Variants in ITGA11 observed in about 807,000 individuals in gnomAD.
ITGA11 encodes integrin alpha-11.
In ITGA11, 97 loss-of-function variants were observed where a neutral mutation model predicts 141.9. The ratio of observed to expected loss-of-function variants is 0.68; its 90% CI spans 0.58 to 0.81. The LOEUF (loss-of-function observed/expected upper bound fraction) is 0.81, where lower values mean the gene tolerates loss of function less well. Among genes scored for constraint, ITGA11 ranks in the 30% least tolerant of loss-of-function variants. ITGA11 has a pLI of 0.00. For synonymous variants in ITGA11, 658 were observed against 624.6 expected (o/e 1.05, Z -0.80); for missense variants, 1,387 against 1,559.2 (o/e 0.89, Z 1.86).
intron 2 of ITGA11, among the ~76,000 whole-genome samples, chr15:68,381,337 T>C (rs910740898): frequency 2.6e-5 from 4 of 152,170 alleles, no homozygotes; most frequent in Non-Finnish European, 4.4e-5. Flanking sequence ...TTTAAGATGA[T>C]GGAAAACAGA....
chr15:68,326,546 G>A lies in ITGA11; in HGVS notation c.2211+108C>T. 2 of 1,282,614 alleles carry A rather than the reference G, an allele frequency of 1.6e-6. No individual in the cohort carries two copies. Among genetic ancestry groups the A allele is most frequent in the Non-Finnish European group, 2.1e-6 (2 of 949,260 alleles). 79.5% of individuals were successfully genotyped at this position (1,282,614 alleles called of 1,614,324 possible). A position where few individuals can be genotyped will look rare whatever the true frequency, so the allele number is the denominator to read the frequency against. ...GTACACTGTCCCTGGCTGGCTTCCTGAGGTCTGCTGGGGGCTTAGAACCAG... is the reference window on the plus strand; with the variant it reads ...GTACACTGTCCCTGGCTGGCTTCCTAAGGTCTGCTGGGGGCTTAGAACCAG... On this transcript the variant is annotated intron_variant, in intron 17 of 29. Coordinates refer to ENST00000315757, the MANE Select transcript of ITGA11 (RefSeq NM_001004439.2). The surrounding 1 kb of genome is among the most constrained non-coding windows in gnomAD (Gnocchi z 6.8).
rs1314381148 is a variant in ITGA11 at position 68,298,902 on chromosome 15, TGA to T, written c.*4155_*4156del. On this transcript the variant is annotated 3_prime_UTR_variant, in exon 30 of 30. Transcript: ENST00000315757. ...CTCTACAAAAAATACTAAAATTAGC[TGA>T]GTGTGGTGTGTGCCTGTAGTCCCAG... The T allele has an allele frequency of 1.3e-5, 2 of 151,836 alleles. No homozygotes were observed. Among genetic ancestry groups the T allele is most frequent in the Non-Finnish European group, 2.9e-5 (2 of 67,998 alleles). The allele number at this position is 151,836 out of a possible 1,614,324, so 9.4% of individuals were successfully genotyped here.
At chr15:68,367,792 C>T (rs1037608695) in intron 3 of ITGA11, among the ~76,000 whole-genome samples, 1 of 152,164 alleles carries the variant, frequency 6.6e-6, no homozygotes, top group Non-Finnish European at 1.5e-5. Context: ...GCTTTACACA[C>T]GAGTAAACTG....
intron 2 of ITGA11, among the ~76,000 whole-genome samples, chr15:68,390,141 T>C (rs1308285931): frequency 6.6e-6 from 1 of 152,180 alleles, no homozygotes; most frequent in African/African-American, 2.4e-5. Flanking sequence ...CCAGGGGATG[T>C]GGAAAACTGT....
At chr15:68,356,676 T>C (rs1016767718) in intron 7 of ITGA11, among the ~76,000 whole-genome samples, 1 of 152,218 alleles carries the variant, frequency 6.6e-6, no homozygotes, top group African/African-American at 2.4e-5. Context: ...GAATCTGGCC[T>C]GGGCTCAGTC....
intron 18 of ITGA11, among the ~76,000 whole-genome samples, chr15:68,323,484 T>C (rs772187757): frequency 2.0e-5 from 3 of 152,168 alleles, no homozygotes; most frequent in Admixed American, 6.5e-5. Flanking sequence ...ACAGGCCAGA[T>C]ATTATGGTAT....
chr15:68,421,315 G>GCCC (rs148517402), intron 1 of ITGA11, among the ~76,000 whole-genome samples: 5,120 of 151,924 alleles, frequency 0.034, 204 homozygotes, highest in African/African-American at 0.086. Flanking sequence ...TTGAAGAACA[G>GCCC]CCCGGAGGCC....
intron 1 of ITGA11, among the ~76,000 whole-genome samples, chr15:68,414,348 A>T (rs79621656): frequency 0.012 from 1,762 of 152,266 alleles, 41 homozygotes; most frequent in African/African-American, 0.04. Context: ...GCTAAGGTCA[A>T]AGGCCACAGG....
chr15:68,418,568 C>G (rs866641455), intron 1 of ITGA11, among the ~76,000 whole-genome samples: 1 of 111,024 alleles, frequency 9.0e-6, no homozygotes, highest in Middle Eastern at 4.1e-3. Flanking sequence ...TCTTTACCCA[C>G]CCCCCCACCC....
intron 7 of ITGA11, among the ~76,000 whole-genome samples, chr15:68,354,719 C>T (rs1032709424): frequency 6.6e-6 from 1 of 152,134 alleles, no homozygotes; most frequent in Non-Finnish European, 1.5e-5. Flanking sequence ...CCATGGGGGC[C>T]CCTCCCTCTC....
rs1282662537 is a variant in ITGA11, at chr15:68,305,008, A to C, written c.3382-1123T>G. Reference sequence around the variant, plus strand: ...GAGGGATCCTTCTAACGAGGAAGGCAGGCTTATGCTCTGCTCTGCTCTGCT... The same window carrying C: ...GAGGGATCCTTCTAACGAGGAAGGCCGGCTTATGCTCTGCTCTGCTCTGCT... On this transcript the variant is annotated intron_variant, in intron 28 of 29. Coordinates refer to ENST00000315757, the MANE Select transcript of ITGA11 (RefSeq NM_001004439.2). This position sits in a 1 kb window ranked among gnomAD's most constrained non-coding sequence, Gnocchi z 4.6. Among the ~76,000 whole-genome samples the C allele has an allele frequency of 6.6e-6, 1 of 152,218 alleles. No homozygotes were observed. Among genetic ancestry groups the C allele is most frequent in the Non-Finnish European group, 1.5e-5 (1 of 68,030 alleles).
chr15:68,351,124 G>A, intron 8 of ITGA11, 134 bp downstream of exon 8: 3 of 926,766 alleles, frequency 3.2e-6, no homozygotes, highest in Middle Eastern at 3.4e-4. Context: ...TTGTTCAGAA[G>A]ATGAAATGGG....
At chr15:68,385,428 C>T (rs777903910) in intron 2 of ITGA11, among the ~76,000 whole-genome samples, 4 of 152,234 alleles carry the variant, frequency 2.6e-5, no homozygotes, top group Non-Finnish European at 4.4e-5. Flanking sequence ...CTAGGCTCCA[C>T]GGCTGGTTTT....
intron 2 of ITGA11, among the ~76,000 whole-genome samples, chr15:68,402,342 A>G (rs1439528786): frequency 6.6e-6 from 1 of 152,064 alleles, no homozygotes; most frequent in Non-Finnish European, 1.5e-5. Context: ...GGTACATTTA[A>G]AAAAAAATCA....
At chr15:68,310,581 C>G (rs994199193) in intron 26 of ITGA11, among the ~76,000 whole-genome samples, 2 of 152,224 alleles carry the variant, frequency 1.3e-5, no homozygotes, top group East Asian at 1.9e-4. Context: ...CCCCAGCTGA[C>G]GCAGCCAAAT....
rs117679668 is a variant in ITGA11 at position 68,329,649 on chromosome 15, G to A, written c.1901+1332C>T. 1.9e-3 allele frequency among the ~76,000 whole-genome samples: 288 copies of A among 152,318 alleles called. 5 individuals carry two copies. The East Asian group carries it at 0.048, about 25-fold the overall frequency. ...TTACTTTAAAGACCTGCTAGGTTCTGTGTACCTCCTCCCCGGGCCTTGGTC... is the reference window on the plus strand; with the variant it reads ...TTACTTTAAAGACCTGCTAGGTTCTATGTACCTCCTCCCCGGGCCTTGGTC... On this transcript the variant is annotated intron_variant, in intron 15 of 29. Coordinates refer to ENST00000315757, the MANE Select transcript of ITGA11 (RefSeq NM_001004439.2).
intron 8 of ITGA11, 55 bp from the exon 9 acceptor site, chr15:68,350,837 A>G: frequency 1.3e-6 from 2 of 1,562,132 alleles, no homozygotes; most frequent in Non-Finnish European, 1.7e-6. Context: ...AGACTTTCCC[A>G]TACACCACAC....
Position 68,403,029 on chromosome 15 carries a change from C to A in ITGA11, c.53G>T (p.Gly18Val), listed in dbSNP as rs765501789. Residue 18 changes from glycine to valine, a missense_variant and splice_region_variant, in exon 2 of 30, where the codon GGG (glycine) becomes GTG (valine). Physicochemically the swap from Gly to Val is moderately radical, Grantham distance 109 (BLOSUM62 -3). Transcript: ENST00000315757. Reference protein sequence around the residue: ...VVAWALSLWPGFTDTFNMDTR... With the variant: ...VVAWALSLWPVFTDTFNMDTR... Reference sequence around the variant, plus strand: ...GTCCATGTTGAAGGTGTCCGTGAACCCTGAGGCAGGGGGAGAGGAGAGGAG... The same window carrying A: ...GTCCATGTTGAAGGTGTCCGTGAACACTGAGGCAGGGGGAGAGGAGAGGAG... 1.2e-6 allele frequency: 2 copies of A among 1,607,774 alleles called. No individual in the cohort carries two copies. Among genetic ancestry groups the A allele is most frequent in the Non-Finnish European group, 1.7e-6 (2 of 1,175,160 alleles).
At chr15:68,411,649 G>T (rs1452708113) in intron 1 of ITGA11, among the ~76,000 whole-genome samples, 2 of 152,308 alleles carry the variant, frequency 1.3e-5, no homozygotes, top group East Asian at 3.9e-4. Context: ...AAGTGGTCCT[G>T]CTCCAGCTTG....
Sources: gnomAD v4.1 joint callset for allele counts (sites outside exome capture counted in the v4.1 genomes callset) on GRCh38, gnomAD v4.1.1 for gene constraint, Gnocchi (gnomAD v3.1) non-coding constraint, MANE v1.5 for transcripts, NCBI Gene and HGNC (gene_info 2026-07-23, HGNC 2026-07-21) for gene names.